Variants in KLF12 observed in about 807,000 individuals in gnomAD.
The protein encoded by KLF12 is KLF transcription factor 12.
A neutral mutation model predicts 37.8 loss-of-function variants in KLF12; 9 were observed. That is an observed-to-expected ratio of 0.24 (90% CI 0.14 to 0.42). The LOEUF (loss-of-function observed/expected upper bound fraction) is 0.42, where lower values mean the gene tolerates loss of function less well. Among genes scored for constraint, KLF12 ranks in the 10% least tolerant of loss-of-function variants. The pLI is 1.00. For missense variants in KLF12, 411 were observed against 516.0 expected (o/e 0.80, Z 1.97); for synonymous variants, 208 against 202.1 (o/e 1.03, Z -0.25).
At chr13:74,238,397 T>A in the KLF12 span, among the ~76,000 whole-genome samples, 2 of 137,422 alleles carry the variant, frequency 1.5e-5, no homozygotes, top group Non-Finnish European at 3.0e-5. Flanking sequence ...TGGTCTAAAA[T>A]TCTCTTTTTT....
intron 1 of KLF12, among the ~76,000 whole-genome samples, chr13:74,067,293 T>C (rs558586120): frequency 6.6e-6 from 1 of 152,246 alleles, no homozygotes; most frequent in Non-Finnish European, 1.5e-5. Context: ...GTCCTTGGTC[T>C]CTATGAAGTA....
chr13:73,965,657 C>T (rs1219957638), intron 2 of KLF12, among the ~76,000 whole-genome samples: 1 of 152,182 alleles, frequency 6.6e-6, no homozygotes, highest in Non-Finnish European at 1.5e-5. Flanking sequence ...CATTCACGCA[C>T]ATAACTGCAC....
chr13:74,129,862 T>C (rs1191054095), intron 1 of KLF12, among the ~76,000 whole-genome samples: 2 of 152,198 alleles, frequency 1.3e-5, no homozygotes, highest in African/African-American at 4.8e-5. Context: ...ACATAATTAC[T>C]GACAATATAG....
intron 1 of KLF12, among the ~76,000 whole-genome samples, chr13:74,078,878 T>TAGA (rs1331974729): frequency 6.6e-6 from 1 of 152,160 alleles, no homozygotes; most frequent in East Asian, 1.9e-4. Context: ...AATGAGTTCC[T>TAGA]AGAGATTGTA....
chr13:74,092,296 CAA>C (rs35528942), intron 1 of KLF12, among the ~76,000 whole-genome samples: 16 of 136,822 alleles, frequency 1.2e-4, no homozygotes, highest in Admixed American at 2.2e-4. Context: ...GACTCCGTCT[CAA>C]AAAAAAAAAA....
chr13:73,995,159 C>T (rs1198736728), intron 1 of KLF12, 106 bp from the exon 2 acceptor site: 3 of 716,970 alleles, frequency 4.2e-6, no homozygotes, highest in African/African-American at 1.8e-5. Flanking sequence ...TCCTTAAGCT[C>T]GTGATCATAG....
At chr13:74,280,346 C>T in the KLF12 span, among the ~76,000 whole-genome samples, 3 of 152,154 alleles carry the variant, frequency 2.0e-5, no homozygotes, top group Admixed American at 6.6e-5. Context: ...ACACCCAATA[C>T]AGAAGTCCCT....
chr13:74,240,438 C>T, the KLF12 span, among the ~76,000 whole-genome samples: 2 of 59,210 alleles, frequency 3.4e-5, no homozygotes, highest in Admixed American at 1.9e-4. Context: ...TTGCTCTTCT[C>T]GAGGAGTATC....
At chr13:73,832,359 CTAGTTCATGT>C (rs1385670528) in intron 4 of KLF12, among the ~76,000 whole-genome samples, 1 of 152,138 alleles carries the variant, frequency 6.6e-6, no homozygotes, top group Non-Finnish European at 1.5e-5. Context: ...CCTCCAGAGT[CTAGTTCATGT>C]TCTCTGGAGA....
chr13:74,095,652 T>C (rs1422536925), intron 1 of KLF12, among the ~76,000 whole-genome samples: 2 of 152,192 alleles, frequency 1.3e-5, no homozygotes, highest in East Asian at 1.9e-4. Context: ...GCCTCCCAAA[T>C]TGTTGGAATT....
intron 3 of KLF12, among the ~76,000 whole-genome samples, chr13:73,934,973 ATTTATTTATTTAT>A (rs1566469370): frequency 1.5e-5 from 2 of 132,626 alleles, no homozygotes; most frequent in Admixed American, 1.5e-4. Flanking sequence ...TTATTTATTT[ATTTATTTATTTAT>A]TTATTTTGAG....
chr13:73,907,254 A>G (rs1593707064), intron 3 of KLF12, among the ~76,000 whole-genome samples: 1 of 152,140 alleles, frequency 6.6e-6, no homozygotes, highest in South Asian at 2.1e-4. Context: ...GTTGGTCAAT[A>G]ATCTGTTAAT....
chr13:73,995,120 G>A, intron 1 of KLF12, 67 bp from the exon 2 acceptor site: 1 of 1,042,568 alleles, frequency 9.6e-7, no homozygotes. Context: ...TGCTCCTTTG[G>A]GGAAAAAAAT....
chr13:74,013,438 C>T, intron 1 of KLF12, among the ~76,000 whole-genome samples: 1 of 152,164 alleles, frequency 6.6e-6, no homozygotes, highest in East Asian at 1.9e-4. Flanking sequence ...GACAAGTTTG[C>T]CCTACAGTTA....
chr13:73,697,243 T>G (rs1350875574), intron 7 of KLF12, among the ~76,000 whole-genome samples: 1 of 152,218 alleles, frequency 6.6e-6, no homozygotes, highest in Non-Finnish European at 1.5e-5. Context: ...AAATCAATGC[T>G]GTCTGTGTGG....
At chr13:73,794,623 T>C (rs915764700) in intron 5 of KLF12, among the ~76,000 whole-genome samples, 1 of 152,184 alleles carries the variant, frequency 6.6e-6, no homozygotes, top group Non-Finnish European at 1.5e-5. Context: ...CAATATTCAA[T>C]ATATTTAAAG....
At chr13:74,095,072 T>C (rs1484362801) in intron 1 of KLF12, among the ~76,000 whole-genome samples, 1 of 152,198 alleles carries the variant, frequency 6.6e-6, no homozygotes, top group African/African-American at 2.4e-5. Context: ...AAAACTCAGT[T>C]CTAATAAAGA....
chr13:74,095,340 G>A (rs1436323088), intron 1 of KLF12, among the ~76,000 whole-genome samples: 2 of 152,072 alleles, frequency 1.3e-5, no homozygotes, highest in Admixed American at 1.3e-4. Context: ...AAACCTCTGA[G>A]ACAGTACAGT....
In KLF12 at chr13:73,936,383, G is replaced by T. The variant is rs554413025; in HGVS notation, c.123+7598C>A. Among the ~76,000 whole-genome samples, 28 of 152,180 alleles carry T rather than the reference G, an allele frequency of 1.8e-4. No homozygotes were observed. In the South Asian group the frequency reaches 5.4e-3, roughly 29 times the overall value. On this transcript the variant is annotated intron_variant, in intron 3 of 7. Coordinates refer to ENST00000377669, the MANE Select transcript of KLF12 (RefSeq NM_007249.5). ...GACCCTTCCAAGCCCTCTTCCCAAT[G>T]CCTCACATATGAAGAGGTCTCTCCA... is the stretch of plus-strand genomic sequence containing the variant.
Sources: gnomAD v4.1 joint callset for allele counts (sites outside exome capture counted in the v4.1 genomes callset) on GRCh38, gnomAD v4.1.1 for gene constraint, MANE v1.5 for transcripts, NCBI Gene and HGNC (gene_info 2026-07-23, HGNC 2026-07-21) for gene names.